The following GYS2 variants were observed in gnomAD, a reference collection of about 807,000 sequenced individuals.
GYS2 encodes the protein glycogen synthase 2.
GYS2 carries 80 observed loss-of-function variants against 85.6 expected under a neutral mutation model. The ratio of observed to expected loss-of-function variants is 0.93; its 90% CI spans 0.78 to 1.13. The LOEUF (loss-of-function observed/expected upper bound fraction) is 1.13, where lower values mean the gene tolerates loss of function less well. GYS2 is among the 50% of genes most tolerant of loss of function. GYS2 has a pLI of 0.00. For missense variants in GYS2, 881 were observed against 854.9 expected (o/e 1.03, Z -0.38); for synonymous variants, 328 against 300.7 (o/e 1.09, Z -0.94).
intron 10 of GYS2, 25 bp downstream of exon 10, chr12:21,559,066 T>C (rs769482856): frequency 3.9e-6 from 5 of 1,296,998 alleles, no homozygotes; most frequent in Non-Finnish European, 3.4e-6. Flanking sequence ...CTATGGGACA[T>C]AGTGGGTGCT....
intron 11 of GYS2, among the ~76,000 whole-genome samples, chr12:21,556,971 A>C (rs1339898162): frequency 6.6e-6 from 1 of 152,244 alleles, no homozygotes; most frequent in Non-Finnish European, 1.5e-5. Flanking sequence ...ACAATACAAC[A>C]GAAGGAAAAA....
At chr12:21,583,539 G>C (rs1376001113) in intron 1 of GYS2, among the ~76,000 whole-genome samples, 1 of 152,208 alleles carries the variant, frequency 6.6e-6, no homozygotes, top group East Asian at 1.9e-4. Flanking sequence ...ATATGACCTA[G>C]CAGATCCAAT....
intron 11 of GYS2, among the ~76,000 whole-genome samples, chr12:21,557,086 A>T (rs2136869767): frequency 6.6e-6 from 1 of 152,356 alleles, no homozygotes; most frequent in Non-Finnish European, 1.5e-5. Flanking sequence ...ATTTGGGGCC[A>T]GCATGGGGGG....
chr12:21,568,831 A>G, intron 5 of GYS2, 34 bp downstream of exon 5: 1 of 1,583,526 alleles, frequency 6.3e-7, no homozygotes, highest in Non-Finnish European at 8.7e-7. Flanking sequence ...ATCATTCGGA[A>G]CTGAAAGATA....
intron 4 of GYS2, among the ~76,000 whole-genome samples, chr12:21,571,641 A>G (rs1944386388): frequency 1.3e-5 from 2 of 152,072 alleles, no homozygotes; most frequent in South Asian, 4.1e-4. Context: ...CTGTCCTCAG[A>G]TTTCCATCTA....
At position 21,591,290 on chromosome 12, in the gene GYS2, G is replaced by A. The variant is rs1944636018; in HGVS notation, c.122-10767C>T. The stretch of plus-strand genomic sequence containing the variant: ...GAATGAGAAATTTACCCAAGAGATA[G>A]ATACAACAAGAATGAACCAAACAGA... On this transcript the variant is annotated intron_variant, in intron 1 of 15. Coordinates refer to ENST00000261195, the MANE Select transcript of GYS2 (RefSeq NM_021957.4). 2.0e-5 allele frequency among the ~76,000 whole-genome samples: 3 copies of A among 152,036 alleles called. No individual in the cohort carries two copies. In the South Asian group the frequency reaches 6.2e-4, roughly 32 times the overall value.
At chr12:21,551,783 G>A (rs929739073) in intron 11 of GYS2, among the ~76,000 whole-genome samples, 9 of 152,110 alleles carry the variant, frequency 5.9e-5, no homozygotes, top group Non-Finnish European at 1.3e-4. Context: ...TACAAAAAAA[G>A]ACAAAAGACA....
chr12:21,569,141 A>C, intron 4 of GYS2, 132 bp from the exon 5 acceptor site: 1 of 828,794 alleles, frequency 1.2e-6, no homozygotes. Context: ...AAAAGTAATA[A>C]AAACTTGAAT....
intron 1 of GYS2, among the ~76,000 whole-genome samples, chr12:21,602,715 A>G (rs917364771): frequency 6.6e-6 from 1 of 152,002 alleles, no homozygotes; most frequent in Non-Finnish European, 1.5e-5. Flanking sequence ...TCCATTGAGC[A>G]TTTTCTATGT....
intron 7 of GYS2, 83 bp downstream of exon 7, chr12:21,562,835 T>G: frequency 6.6e-7 from 1 of 1,520,364 alleles, no homozygotes; most frequent in Non-Finnish European, 9.1e-7. Context: ...GAAAACTATT[T>G]AAGAAGCCAA....
chr12:21,591,777 A>G (rs1431770362), intron 1 of GYS2, among the ~76,000 whole-genome samples: 1 of 152,178 alleles, frequency 6.6e-6, no homozygotes, highest in Non-Finnish European at 1.5e-5. Flanking sequence ...CCACAAGATT[A>G]ACAGATTAAC....
Position 21,536,605 on chromosome 12 carries a change from A to G in GYS2, c.*349T>C. On this transcript the variant is annotated 3_prime_UTR_variant, in exon 16 of 16. Transcript: ENST00000261195. ...TTGTGTGGTGGGGTAGAGAAGCTGCATAAATAGTAAGCAAAGGATTATGAT... is the reference window on the plus strand; with the variant it reads ...TTGTGTGGTGGGGTAGAGAAGCTGCGTAAATAGTAAGCAAAGGATTATGAT... The G allele has an allele frequency of 3.5e-6, 1 of 288,886 alleles. No individual in the cohort carries two copies. Among genetic ancestry groups the G allele is most frequent in the South Asian group, 3.9e-5 (1 of 25,582 alleles). 17.9% of individuals were successfully genotyped at this position (288,886 alleles called of 1,614,324 possible).
chr12:21,579,501 C>A (rs935882231), intron 2 of GYS2, among the ~76,000 whole-genome samples: 30 of 151,954 alleles, frequency 2.0e-4, no homozygotes, highest in African/African-American at 5.8e-4. Flanking sequence ...CTACAGGTGC[C>A]TGCCTGCAAA....
At chr12:21,603,594 A>C (rs1303965760) in intron 1 of GYS2, among the ~76,000 whole-genome samples, 1 of 152,082 alleles carries the variant, frequency 6.6e-6, no homozygotes, top group Non-Finnish European at 1.5e-5. Flanking sequence ...ACATGACATA[A>C]TTTCAGATCG....
intron 1 of GYS2, among the ~76,000 whole-genome samples, chr12:21,584,827 T>C (rs7969775): frequency 0.56 from 85,658 of 152,022 alleles, 25,413 homozygotes; most frequent in East Asian, 0.83. Flanking sequence ...TCCACTGTCA[T>C]GGTATTCCAC....
chr12:21,532,654 A>G (rs1244184927), downstream of GYS2: 1 of 152,210 alleles, frequency 6.6e-6, no homozygotes, highest in Non-Finnish European at 1.5e-5. Flanking sequence ...CCACTTCACC[A>G]TTAGGAGGGG....
intron 1 of GYS2, among the ~76,000 whole-genome samples, chr12:21,584,586 C>T (rs1330139487): frequency 6.6e-6 from 1 of 152,168 alleles, no homozygotes; most frequent in African/African-American, 2.4e-5. Context: ...CTGGCCACAG[C>T]CACTGCTTGC....
intron 11 of GYS2, among the ~76,000 whole-genome samples, chr12:21,553,312 A>C (rs1944135906): frequency 1.3e-5 from 2 of 152,240 alleles, no homozygotes; most frequent in African/African-American, 4.8e-5. Context: ...AAGTGAATTT[A>C]CAAAATTGAT....
chr12:21,574,290 G>T lies in GYS2; in HGVS notation c.532C>A (p.Gln178Lys), dbSNP rs1038017928. 6.2e-7 allele frequency: 1 copy of T among 1,613,838 alleles called. No homozygotes were observed. The highest frequency in any genetic ancestry group is 1.3e-5 in the African/African-American group (1 of 75,012). ...ATTCCAGCCTGCCATTCATGGAATT[G>T]GGCAACGACATATTTACCATCTGCA... ...DHADGKYVVAQFHEWQAGIGL... is the reference protein window; with the variant it reads ...DHADGKYVVAKFHEWQAGIGL... The change falls in exon 4 of 16, where the codon CAA (glutamine) becomes AAA (lysine). Residue 178 changes from glutamine to lysine, a missense_variant. Transcript: ENST00000261195.
Sources: allele counts gnomAD v4.1 joint callset (sites outside exome capture counted in the v4.1 genomes callset), GRCh38; gene constraint gnomAD v4.1.1; transcripts MANE v1.5; gene names NCBI Gene and HGNC (gene_info 2026-07-23, HGNC 2026-07-21).